Variants in LDLRAD4 observed in about 807,000 individuals in gnomAD.
The protein encoded by LDLRAD4 is low-density lipoprotein receptor class A domain-containing protein 4.
Under a neutral mutation model 17.0 loss-of-function variants are expected in LDLRAD4, and 5 were observed. That is an observed-to-expected ratio of 0.29 (90% CI 0.15 to 0.62). The LOEUF (loss-of-function observed/expected upper bound fraction) is 0.62, where lower values mean the gene tolerates loss of function less well. Among genes scored for constraint, LDLRAD4 ranks in the 20% least tolerant of loss-of-function variants. LDLRAD4 has a pLI of 0.84. For missense variants in LDLRAD4, 340 were observed against 424.7 expected (o/e 0.80, Z 1.75); for synonymous variants, 168 against 171.8 (o/e 0.98, Z 0.17).
chr18:13,600,564 T>G (rs889566213), intron 3 of LDLRAD4, among the ~76,000 whole-genome samples: 1 of 152,240 alleles, frequency 6.6e-6, no homozygotes, highest in East Asian at 1.9e-4. Flanking sequence ...GGCATTCAGC[T>G]GGAGTCTGAT....
intron 3 of LDLRAD4, among the ~76,000 whole-genome samples, chr18:13,605,987 C>T (rs912671814): frequency 2.1e-4 from 32 of 152,142 alleles, no homozygotes; most frequent in African/African-American, 7.7e-4. Flanking sequence ...CTCATAAGCT[C>T]CCAGGGGATG....
chr18:13,595,649 G>A (rs1191045065), intron 3 of LDLRAD4, among the ~76,000 whole-genome samples: 2 of 152,012 alleles, frequency 1.3e-5, no homozygotes, highest in South Asian at 2.1e-4. Flanking sequence ...ACACCCAGCC[G>A]AATCCATGTT....
At chr18:13,225,216 C>T (rs1179267426) in intron 1 of LDLRAD4, among the ~76,000 whole-genome samples, 1 of 152,192 alleles carries the variant, frequency 6.6e-6, no homozygotes, top group Non-Finnish European at 1.5e-5. Flanking sequence ...ATGTTGTCCA[C>T]CTTGGACAAG....
chr18:13,448,453 T>TA (rs1269045922), intron 3 of LDLRAD4, among the ~76,000 whole-genome samples: 1 of 152,046 alleles, frequency 6.6e-6, no homozygotes, highest in African/African-American at 2.4e-5. Context: ...GGAAAGCGGG[T>TA]AAAAAAATCC....
At chr18:13,487,660 C>T (rs190912517) in intron 3 of LDLRAD4, 1 of 152,388 alleles carries the variant, frequency 6.6e-6, no homozygotes, top group Admixed American at 6.5e-5. Context: ...ATCGGCAATT[C>T]CACACTAAAT....
intron 3 of LDLRAD4, among the ~76,000 whole-genome samples, chr18:13,569,387 A>T (rs1343144868): frequency 6.6e-6 from 1 of 152,244 alleles, no homozygotes; most frequent in Non-Finnish European, 1.5e-5. Context: ...CAGTTGCAGG[A>T]TAAGCCAATT....
chr18:13,473,636 C>CATATATATATATAT (rs71366054), intron 3 of LDLRAD4, among the ~76,000 whole-genome samples: 1 of 28,780 alleles, frequency 3.5e-5, no homozygotes, highest in Admixed American at 5.1e-4. Flanking sequence ...GATCCCATCT[C>CATATATATATATAT]ATATATATAT....
At chr18:13,608,123 T>C (rs1174518516) in intron 3 of LDLRAD4, among the ~76,000 whole-genome samples, 1 of 149,104 alleles carries the variant, frequency 6.7e-6, no homozygotes, top group Non-Finnish European at 1.5e-5. Context: ...CAGACACTTC[T>C]CAAAAGAAGA....
At chr18:13,350,251 T>C (rs4797765) in intron 1 of LDLRAD4, among the ~76,000 whole-genome samples, 66,106 of 152,102 alleles carry the variant, frequency 0.43, 17,063 homozygotes, top group Non-Finnish European at 0.57. Flanking sequence ...CTACCATCAG[T>C]GCAAAAGCAT....
chr18:13,307,349 A>G (rs1218185139), intron 1 of LDLRAD4, among the ~76,000 whole-genome samples: 4 of 152,272 alleles, frequency 2.6e-5, no homozygotes, highest in Non-Finnish European at 4.4e-5. Context: ...GAAGAACTTT[A>G]TGATGGTTCA....
intron 3 of LDLRAD4, among the ~76,000 whole-genome samples, chr18:13,617,183 C>A (rs572102208): frequency 2.0e-4 from 30 of 152,190 alleles, no homozygotes; most frequent in South Asian, 8.3e-4. Flanking sequence ...AACAATTCCC[C>A]CGTCTTGGTC....
chr18:13,402,214 G>C (rs182940945), intron 2 of LDLRAD4, among the ~76,000 whole-genome samples: 1 of 152,292 alleles, frequency 6.6e-6, no homozygotes, highest in East Asian at 1.9e-4. Flanking sequence ...TTGTGCCCCT[G>C]GGTGAGTCCT....
chr18:13,488,022 G>C (rs992061988), intron 3 of LDLRAD4: 2 of 152,520 alleles, frequency 1.3e-5, no homozygotes, highest in African/African-American at 4.8e-5. Flanking sequence ...TCAGTGAGCT[G>C]CCTGGGCTCT....
intron 3 of LDLRAD4, among the ~76,000 whole-genome samples, chr18:13,570,413 A>G (rs990321940): frequency 2.0e-5 from 3 of 152,210 alleles, no homozygotes; most frequent in African/African-American, 7.2e-5. Context: ...GGGCCAGAGG[A>G]GTGGCAGAGA....
chr18:13,470,121 A>G lies in LDLRAD4; in HGVS notation c.181+31737A>G, dbSNP rs115532583. On this transcript the variant is annotated intron_variant, in intron 3 of 5. Coordinates refer to ENST00000359446, the Ensembl canonical transcript of LDLRAD4. The stretch of plus-strand genomic sequence containing the variant: ...ATGATGGTGGAGCAGTTGCCCTTTG[A>G]CATAGCGATAGACCGTGTGGAAATG... Among the ~76,000 whole-genome samples the G allele has an allele frequency of 3.3e-3, 500 of 152,282 alleles. 5 individuals carry two copies. The highest frequency in any genetic ancestry group is 0.011 in the African/African-American group (463 of 41,548).
At chr18:13,225,078 C>T (rs192251883) in intron 1 of LDLRAD4, among the ~76,000 whole-genome samples, 5 of 152,200 alleles carry the variant, frequency 3.3e-5, no homozygotes, top group Middle Eastern at 3.4e-3. Context: ...TCAAGTGATC[C>T]GCCCGCCTCA....
chr18:13,592,340 G>C (rs890952127), intron 3 of LDLRAD4, among the ~76,000 whole-genome samples: 5 of 152,206 alleles, frequency 3.3e-5, no homozygotes, highest in African/African-American at 1.2e-4. Flanking sequence ...TACTCACTCA[G>C]ATATTTCCTA....
intron 3 of LDLRAD4, among the ~76,000 whole-genome samples, chr18:13,485,597 G>A (rs912555431): frequency 2.0e-5 from 3 of 152,228 alleles, no homozygotes; most frequent in East Asian, 1.9e-4. Flanking sequence ...TGCTGGGCCC[G>A]GGGCGTGGCC....
chr18:13,338,833 A>T (rs1401545191), intron 1 of LDLRAD4, among the ~76,000 whole-genome samples: 1 of 152,148 alleles, frequency 6.6e-6, no homozygotes, highest in Non-Finnish European at 1.5e-5. Context: ...GAGAGGGAGA[A>T]GATGATGCTG....
Sources: gnomAD v4.1 joint callset for allele counts (sites outside exome capture counted in the v4.1 genomes callset) on GRCh38, gnomAD v4.1.1 for gene constraint, MANE v1.5 for transcripts, NCBI Gene and HGNC (gene_info 2026-07-23, HGNC 2026-07-21) for gene names.